Variants in NR2C1 observed in about 807,000 individuals in gnomAD.
NR2C1 encodes TR2 nuclear hormone receptor.
In NR2C1, 33 loss-of-function variants were observed where a neutral mutation model predicts 74.8. That is an observed-to-expected ratio of 0.44 (90% CI 0.33 to 0.59). The LOEUF is 0.59. Ranked by LOEUF, NR2C1 falls within the 20% of genes least tolerant of loss-of-function variation. The pLI is 0.02. For missense variants in NR2C1, 568 were observed against 715.6 expected (o/e 0.79, Z 2.35); for synonymous variants, 225 against 240.6 (o/e 0.94, Z 0.60).
At chr12:95,045,944 A>G (rs1872257911) in intron 9 of NR2C1, among the ~76,000 whole-genome samples, 1 of 152,062 alleles carries the variant, frequency 6.6e-6, no homozygotes, top group Non-Finnish European at 1.5e-5. Context: ...GGTTCAAGCA[A>G]TTCTTCTGCC....
chr12:95,029,193 C>T (rs1032734454), intron 11 of NR2C1, among the ~76,000 whole-genome samples: 1 of 151,560 alleles, frequency 6.6e-6, no homozygotes, highest in African/African-American at 2.4e-5. Flanking sequence ...GCAATCCTCC[C>T]ACCTCAGCCT....
At chr12:95,027,141 A>G (rs945081982) in intron 12 of NR2C1, among the ~76,000 whole-genome samples, 2 of 152,152 alleles carry the variant, frequency 1.3e-5, no homozygotes, top group African/African-American at 4.8e-5. Flanking sequence ...TGCAGCCTCA[A>G]ATTCTCGGGC....
chr12:95,061,790 T>C (rs887373875), intron 3 of NR2C1, among the ~76,000 whole-genome samples: 2 of 152,208 alleles, frequency 1.3e-5, no homozygotes, highest in East Asian at 3.8e-4. Context: ...TATTCAATCA[T>C]AGCAACCAGC....
intron 9 of NR2C1, among the ~76,000 whole-genome samples, chr12:95,048,396 A>G (rs1872569400): frequency 2.0e-5 from 3 of 152,372 alleles, no homozygotes; most frequent in Admixed American, 6.5e-5. Flanking sequence ...CATGAATGCC[A>G]ATACTTAAAG....
intron 10 of NR2C1, among the ~76,000 whole-genome samples, chr12:95,033,890 A>C (rs1384102666): frequency 1.3e-5 from 2 of 152,242 alleles, no homozygotes; most frequent in Non-Finnish European, 2.9e-5. Flanking sequence ...TTTTACAATT[A>C]ATCTTTAAAC....
intron 10 of NR2C1, among the ~76,000 whole-genome samples, chr12:95,039,074 A>C (rs1234565245): frequency 6.6e-6 from 1 of 151,916 alleles, no homozygotes; most frequent in Admixed American, 6.6e-5. Flanking sequence ...TCTCTTAAAC[A>C]AAAAAAACCC....
At chr12:95,072,412 C>A (rs1307576621) in intron 1 of NR2C1, among the ~76,000 whole-genome samples, 4 of 147,312 alleles carry the variant, frequency 2.7e-5, no homozygotes, top group Admixed American at 2.7e-4. Flanking sequence ...GAGATCGCGC[C>A]ACCGCACTCC....
chr12:95,046,295 T>G (rs1463981633), intron 9 of NR2C1, among the ~76,000 whole-genome samples: 1 of 152,198 alleles, frequency 6.6e-6, no homozygotes, highest in East Asian at 1.9e-4. Flanking sequence ...AGAATAAAAA[T>G]TCTAACCCTA....
intron 7 of NR2C1, among the ~76,000 whole-genome samples, chr12:95,054,753 TTTTA>T (rs771443232): frequency 2.8e-4 from 42 of 151,794 alleles, no homozygotes; most frequent in Non-Finnish European, 5.6e-4. Context: ...CTAGATTCTT[TTTTA>T]TTTTATTTTA....
At chr12:95,061,990 C>A (rs1008697021) in intron 3 of NR2C1, among the ~76,000 whole-genome samples, 2 of 152,188 alleles carry the variant, frequency 1.3e-5, no homozygotes, top group Non-Finnish European at 2.9e-5. Flanking sequence ...TGCATGACAA[C>A]AAAGGAGGCA....
intron 10 of NR2C1, among the ~76,000 whole-genome samples, chr12:95,038,002 G>A (rs530781127): frequency 4.7e-5 from 7 of 150,512 alleles, no homozygotes; most frequent in African/African-American, 9.8e-5. Context: ...GTCCTTATCC[G>A]TATGATTAAG....
At chr12:95,064,532 G>T (rs770770096) in intron 2 of NR2C1, among the ~76,000 whole-genome samples, 26 of 152,140 alleles carry the variant, frequency 1.7e-4, no homozygotes, top group Non-Finnish European at 2.8e-4. Flanking sequence ...TAAGAAGAGA[G>T]AAGTAACAAA....
rs111814314 is a variant in NR2C1 at position 95,049,167 on chromosome 12, C to T, written c.1032G>A (p.Ala344=). 4.6e-3 allele frequency: 7,428 copies of T among 1,614,050 alleles called. 36 individuals are homozygous for T. The highest frequency in any genetic ancestry group is 5.6e-3 in the Non-Finnish European group (6,559 of 1,179,948). The change falls in exon 9 of 14, where the codon GCG becomes GCA. Residue 344 remains alanine (A), a synonymous_variant. Coordinates refer to ENST00000333003, the MANE Select transcript of NR2C1 (RefSeq NM_003297.4). ...TTAGGTGTACACTTCCTTCCATGCC[C>T]GCTACTGAGCTCTGGCAGGCTGTGC... ...GESTACQSSV[A]GMEGSVHLIT...
intron 12 of NR2C1, among the ~76,000 whole-genome samples, chr12:95,027,644 G>C (rs1869519618): frequency 1.3e-5 from 2 of 152,172 alleles, no homozygotes; most frequent in African/African-American, 4.8e-5. Flanking sequence ...GCTGAGGCAG[G>C]AGAATCGTTT....
chr12:95,055,614 T>C (rs1387173182), intron 7 of NR2C1, among the ~76,000 whole-genome samples: 1 of 152,140 alleles, frequency 6.6e-6, no homozygotes, highest in African/African-American at 2.4e-5. Context: ...GACAAATATA[T>C]AACAAATCTT....
At chr12:95,033,958 A>T (rs543063773) in intron 10 of NR2C1, among the ~76,000 whole-genome samples, 94 of 152,294 alleles carry the variant, frequency 6.2e-4, no homozygotes, top group African/African-American at 2.1e-3. Context: ...TCTTTCCTTA[A>T]ATCTCTGGAG....
At chr12:95,047,616 T>C (rs1011889484) in intron 9 of NR2C1, among the ~76,000 whole-genome samples, 10 of 152,216 alleles carry the variant, frequency 6.6e-5, no homozygotes, top group Admixed American at 3.9e-4. Context: ...ATCCATGGAA[T>C]TTTATAATCT....
chr12:95,037,795 T>C (rs1275984309), intron 10 of NR2C1, among the ~76,000 whole-genome samples: 1 of 148,694 alleles, frequency 6.7e-6, no homozygotes, highest in African/African-American at 2.5e-5. Flanking sequence ...CTTGGGAGGC[T>C]GAGGCAGGAG....
intron 9 of NR2C1, among the ~76,000 whole-genome samples, chr12:95,044,516 T>TCCACCCAC (rs1334112304): frequency 1.3e-5 from 2 of 151,706 alleles, no homozygotes; most frequent in Non-Finnish European, 2.9e-5. Flanking sequence ...GACCTCGTGA[T>TCCACCCAC]CCACCCACCT....
Sources: allele counts gnomAD v4.1 joint callset (sites outside exome capture counted in the v4.1 genomes callset), GRCh38; gene constraint gnomAD v4.1.1; transcripts MANE v1.5; gene names NCBI Gene and HGNC (gene_info 2026-07-23, HGNC 2026-07-21).